Variants in VMP1 observed in about 807,000 individuals in gnomAD.
VMP1 encodes the protein vacuole membrane protein 1.
VMP1 carries 11 observed loss-of-function variants against 56.0 expected under a neutral mutation model. The ratio of observed to expected loss-of-function variants is 0.20; its 90% CI spans 0.12 to 0.32. VMP1 has a LOEUF of 0.32. Ranked by LOEUF, VMP1 falls within the 10% of genes least tolerant of loss-of-function variation. VMP1 has a pLI of 1.00. For missense variants in VMP1, 296 were observed against 490.3 expected (o/e 0.60, Z 3.74); for synonymous variants, 149 against 165.0 (o/e 0.90, Z 0.74).
At chr17:59,756,309 A>G (rs2035841168) in intron 5 of VMP1, among the ~76,000 whole-genome samples, 1 of 152,140 alleles carries the variant, frequency 6.6e-6, no homozygotes, top group Non-Finnish European at 1.5e-5. Context: ...ACAAACAACC[A>G]TTTTTCATCT....
intron 5 of VMP1, among the ~76,000 whole-genome samples, chr17:59,746,600 G>A (rs1465263600): frequency 1.3e-5 from 2 of 152,144 alleles, no homozygotes; most frequent in African/African-American, 2.4e-5. Flanking sequence ...AAAATCATCA[G>A]GGAAAAATTA....
intron 7 of VMP1, among the ~76,000 whole-genome samples, chr17:59,805,674 A>G (rs1206092856): frequency 6.6e-6 from 1 of 151,558 alleles, no homozygotes; most frequent in African/African-American, 2.4e-5. Flanking sequence ...AAAAAAAAAA[A>G]GGAAATTAAT....
At chr17:59,832,012 A>G (rs1295926) in intron 10 of VMP1, among the ~76,000 whole-genome samples, 63,911 of 151,448 alleles carry the variant, frequency 0.42, 15,393 homozygotes, top group Non-Finnish European at 0.54. Flanking sequence ...CCTCCAGATT[A>G]GCTGGGACTA....
At chr17:59,819,228 C>T (rs2038354251) in intron 10 of VMP1, among the ~76,000 whole-genome samples, 1 of 152,020 alleles carries the variant, frequency 6.6e-6, no homozygotes, top group Admixed American at 6.6e-5. Context: ...CTGCCTGAAT[C>T]CTTACAAATA....
intron 6 of VMP1, among the ~76,000 whole-genome samples, chr17:59,766,016 CTTTTA>C (rs763031727): frequency 2.6e-5 from 4 of 151,454 alleles, no homozygotes; most frequent in Non-Finnish European, 5.9e-5. Flanking sequence ...TAAAATTTTA[CTTTTA>C]TTTATTTGGC....
chr17:59,757,859 CTTT>C (rs66605258), intron 5 of VMP1, among the ~76,000 whole-genome samples: 17 of 91,284 alleles, frequency 1.9e-4, no homozygotes, highest in South Asian at 8.4e-4. Context: ...TTATTTGCCA[CTTT>C]TTTTTTTTTT....
Position 59,823,418 on chromosome 17 carries a change from T to C in VMP1, c.974+5645T>C, listed in dbSNP as rs1292240775. Among the ~76,000 whole-genome samples, 3 of 145,156 alleles carry C rather than the reference T, an allele frequency of 2.1e-5. No homozygotes were observed. The East Asian group carries it at 6.0e-4, about 29-fold the overall frequency. On this transcript the variant is annotated intron_variant, in intron 10 of 11. Coordinates refer to ENST00000262291, the MANE Select transcript of VMP1 (RefSeq NM_030938.5). Reference sequence around the variant, plus strand: ...GTGAGCCGAGATCACACCACTGCACTCCAGCCTGGATGACAGTGAGATATG... The same window carrying C: ...GTGAGCCGAGATCACACCACTGCACCCCAGCCTGGATGACAGTGAGATATG...
chr17:59,721,536 C>T (rs1350438316), intron 1 of VMP1, among the ~76,000 whole-genome samples: 1 of 152,078 alleles, frequency 6.6e-6, no homozygotes, highest in East Asian at 1.9e-4. Flanking sequence ...AGATTAGTCA[C>T]TGTTGCAGTT....
chr17:59,728,933 C>T (rs567712336), intron 1 of VMP1, among the ~76,000 whole-genome samples: 11 of 152,234 alleles, frequency 7.2e-5, no homozygotes, highest in Non-Finnish European at 1.5e-4. Flanking sequence ...AACTCATTGG[C>T]AGCTACTCCC....
At chr17:59,775,008 C>T (rs1239150856) in intron 7 of VMP1, among the ~76,000 whole-genome samples, 2 of 149,986 alleles carry the variant, frequency 1.3e-5, no homozygotes, top group Non-Finnish European at 2.9e-5. Flanking sequence ...GTGGCCTGAT[C>T]TCGGCTCACT....
At chr17:59,826,453 G>A (rs909922565) in intron 10 of VMP1, among the ~76,000 whole-genome samples, 1 of 152,162 alleles carries the variant, frequency 6.6e-6, no homozygotes, top group Non-Finnish European at 1.5e-5. Flanking sequence ...CATTTTAATT[G>A]TTTTGTAAAT....
intron 9 of VMP1, among the ~76,000 whole-genome samples, chr17:59,815,931 T>G (rs933346197): frequency 6.6e-6 from 1 of 151,980 alleles, no homozygotes; most frequent in African/African-American, 2.4e-5. Flanking sequence ...CTTTGTTCAT[T>G]CTAGCACAAT....
chr17:59,838,505 G>A, intron 11 of VMP1, 108 bp downstream of exon 11: 2 of 1,142,706 alleles, frequency 1.8e-6, no homozygotes, highest in Non-Finnish European at 1.3e-6. Context: ...TGGTTTGCCA[G>A]TGTTCCTTGA....
At chr17:59,772,766 C>G (rs2144029832) in intron 6 of VMP1, among the ~76,000 whole-genome samples, 1 of 149,830 alleles carries the variant, frequency 6.7e-6, no homozygotes, top group Middle Eastern at 3.4e-3. Context: ...GAGACTTCAT[C>G]TCAAAAAAAA....
At chr17:59,775,578 T>G (rs2036592681) in intron 7 of VMP1, among the ~76,000 whole-genome samples, 1 of 152,022 alleles carries the variant, frequency 6.6e-6, no homozygotes, top group Non-Finnish European at 1.5e-5. Context: ...CACCCTGGCC[T>G]CCCAAAATGC....
At chr17:59,722,644 TA>T (rs2034445632) in intron 1 of VMP1, among the ~76,000 whole-genome samples, 1 of 152,146 alleles carries the variant, frequency 6.6e-6, no homozygotes, top group Non-Finnish European at 1.5e-5. Context: ...AGTTGAAGAC[TA>T]GCGTGGCCAA....
chr17:59,817,756 A>G lies in VMP1; in HGVS notation c.957A>G (p.Gln319=). 6.2e-7 allele frequency: 1 copy of G among 1,608,292 alleles called. No homozygotes were observed. Among genetic ancestry groups the G allele is most frequent in the Non-Finnish European group, 8.5e-7 (1 of 1,177,356 alleles). Residue 319 remains glutamine (Q), a synonymous_variant, in exon 10 of 12, where the codon CAA becomes CAG. Coordinates refer to ENST00000262291, the MANE Select transcript of VMP1 (RefSeq NM_030938.5). ...CATTCAGCAAGCACATAGTGGAGCA[A>G]ATGGTGGCTTTCATTGGGTAAGTAA... The part of the protein sequence containing the change: ...IITFSKHIVE[Q]MVAFIGAVPG...
chr17:59,723,581 G>A (rs1214498003), intron 1 of VMP1, among the ~76,000 whole-genome samples: 5 of 152,272 alleles, frequency 3.3e-5, no homozygotes, highest in South Asian at 2.1e-4. Flanking sequence ...AATGGATCAG[G>A]CAGAAATTTG....
chr17:59,764,920 T>G, intron 5 of VMP1, 51 bp from the exon 6 acceptor site: 1 of 1,354,416 alleles, frequency 7.4e-7, no homozygotes. Context: ...TAATGTGTAT[T>G]GATAATTTTT....
Sources: allele counts gnomAD v4.1 joint callset (sites outside exome capture counted in the v4.1 genomes callset), GRCh38; gene constraint gnomAD v4.1.1; transcripts MANE v1.5; gene names NCBI Gene and HGNC (gene_info 2026-07-23, HGNC 2026-07-21).